The following TRIM27 variants were observed in gnomAD, a reference collection of about 807,000 sequenced individuals.
TRIM27 encodes tripartite motif containing 27.
A neutral mutation model predicts 57.6 loss-of-function variants in TRIM27; 12 were observed. The observed-to-expected ratio is 0.21, with a 90% CI of 0.13 to 0.34. The LOEUF (loss-of-function observed/expected upper bound fraction) is 0.34. TRIM27 is among the 10% of genes least tolerant of loss of function. TRIM27 has a pLI of 1.00. For missense variants in TRIM27, 403 were observed against 656.8 expected (o/e 0.61, Z 4.22); for synonymous variants, 266 against 259.0 (o/e 1.03, Z -0.26).
Position 28,911,560 on chromosome 6 carries a change from G to A in TRIM27, c.770+136C>T, listed in dbSNP as rs186104823. 1.4e-4 allele frequency: 117 copies of A among 837,582 alleles called. 1 individual carries two copies. The East Asian group carries it at 2.3e-3, about 16-fold the overall frequency. The allele number at this position is 837,582 out of a possible 1,614,324, so 51.9% of individuals were successfully genotyped here. The stretch of plus-strand genomic sequence containing the variant: ...GGTTCATCTAATTCTTTGTATACTA[G>A]TGACTCTCTTCAGGGATATGTGTCA... On this transcript the variant is annotated intron_variant, in intron 4 of 7. Transcript: ENST00000377199.
Position 28,903,760 on chromosome 6 carries a change from A to T in TRIM27, c.*310T>A. On this transcript the variant is annotated 3_prime_UTR_variant, in exon 8 of 8. Transcript: ENST00000377199. ...AGCCAAGAAGCTGGAAGTATCTTGA[A>T]CGGCTCTCCAAATCCAAAGATTATC... The T allele has an allele frequency of 2.6e-6, 1 of 383,334 alleles. No homozygotes were observed. The highest frequency in any genetic ancestry group is 4.7e-6 in the Non-Finnish European group (1 of 213,264). 23.7% of individuals were successfully genotyped at this position (383,334 alleles called of 1,614,324 possible).
chr6:28,913,199 A>G (rs1367622274), intron 3 of TRIM27, among the ~76,000 whole-genome samples: 10 of 150,720 alleles, frequency 6.6e-5, no homozygotes, highest in Non-Finnish European at 1.3e-4. Flanking sequence ...AGGTTGCGGT[A>G]AGCTGAGATC....
intron 4 of TRIM27, among the ~76,000 whole-genome samples, chr6:28,909,442 A>G (rs957424788): frequency 2.0e-5 from 3 of 152,206 alleles, no homozygotes; most frequent in Non-Finnish European, 4.4e-5. Flanking sequence ...ATGACCTTCC[A>G]GGAACTAGGA....
chr6:28,912,337 T>A (rs923047040), intron 3 of TRIM27, among the ~76,000 whole-genome samples: 2 of 152,172 alleles, frequency 1.3e-5, no homozygotes, highest in Non-Finnish European at 2.9e-5. Context: ...CTTGAACTCC[T>A]GACCTCAGGT....
At chr6:28,906,417 A>C (rs1368715428) in intron 7 of TRIM27, 1 of 152,050 alleles carries the variant, frequency 6.6e-6, no homozygotes, top group East Asian at 1.9e-4. Context: ...CTGGTTCAAC[A>C]ATCTGTCTAC....
At chr6:28,921,808 T>C in intron 2 of TRIM27, 84 bp downstream of exon 2, 1 of 1,127,788 alleles carries the variant, frequency 8.9e-7, no homozygotes, top group Non-Finnish European at 1.3e-6. Context: ...GGTGACATGC[T>C]GGACAAGTTT....
chr6:28,910,869 A>C (rs1022334852), intron 4 of TRIM27, among the ~76,000 whole-genome samples: 1 of 152,078 alleles, frequency 6.6e-6, no homozygotes, highest in African/African-American at 2.4e-5. Context: ...ATCCCTCAGG[A>C]ACCTCAATTC....
In TRIM27 at chr6:28,904,779, G is replaced by A. The variant is rs982497633; in HGVS notation, c.947-114C>T. 12 of 698,992 alleles carry A rather than the reference G, an allele frequency of 1.7e-5. No homozygotes were observed. The highest frequency in any genetic ancestry group is 9.0e-5 in the African/African-American group (5 of 55,794). 43.3% of individuals were successfully genotyped at this position (698,992 alleles called of 1,614,324 possible). A position where few individuals can be genotyped will look rare whatever the true frequency, so the allele number is the denominator to read the frequency against. On this transcript the variant is annotated intron_variant, in intron 7 of 7. Transcript: ENST00000377199. This position sits in a 1 kb window ranked among gnomAD's most constrained non-coding sequence, Gnocchi z 6.1. ...AAGAGGTTCCCACTGGAGGTTGCAC[G>A]TATTTTATTTAGAATATATTCTAAA...
intron 3 of TRIM27, among the ~76,000 whole-genome samples, chr6:28,916,412 G>T (rs986119570): frequency 6.6e-6 from 1 of 151,842 alleles, no homozygotes; most frequent in Non-Finnish European, 1.5e-5. Flanking sequence ...ATTAGCCAGG[G>T]GTGGTGGCGC....
At chr6:28,914,653 A>G (rs1229070642) in intron 3 of TRIM27, 1 of 150,148 alleles carries the variant, frequency 6.7e-6, no homozygotes, top group Non-Finnish European at 1.5e-5. Flanking sequence ...GGTGATGGTT[A>G]CACTGAAATC....
chr6:28,904,028 T>A lies in TRIM27; in HGVS notation c.*42A>T, dbSNP rs192359828. 463 of 1,539,472 alleles carry A rather than the reference T, an allele frequency of 3.0e-4. 7 individuals carry two copies. The East Asian group carries it at 8.0e-3, about 27-fold the overall frequency. On this transcript the variant is annotated 3_prime_UTR_variant, in exon 8 of 8. Transcript: ENST00000377199. This position sits in a 1 kb window ranked among gnomAD's most constrained non-coding sequence, Gnocchi z 6.1. Reference sequence around the variant, plus strand: ...GCAACAAGATGCCTTGTGCCTGGCGTAGGATTACAGCCAACAGCCCTTTTG... The same window carrying A: ...GCAACAAGATGCCTTGTGCCTGGCGAAGGATTACAGCCAACAGCCCTTTTG...
intron 7 of TRIM27, chr6:28,905,342 A>G (rs974595585): frequency 6.6e-6 from 1 of 152,232 alleles, no homozygotes; most frequent in Non-Finnish European, 1.5e-5. Context: ...GTATTAATAG[A>G]TCTGCTGTGA....
intron 3 of TRIM27, among the ~76,000 whole-genome samples, chr6:28,913,269 A>AATATATATATATATATAT (rs1219781094): frequency 4.4e-5 from 6 of 135,578 alleles, no homozygotes; most frequent in Non-Finnish European, 9.2e-5. Flanking sequence ...AAAAAAAAAA[A>AATATATATATATATATAT]ATATATATAT....
At position 28,912,495 on chromosome 6, in the gene TRIM27, G is replaced by GA. The variant is rs745645172; in HGVS notation, c.748-778dup. 1.2e-3 allele frequency among the ~76,000 whole-genome samples: 165 copies of GA among 136,166 alleles called. 1 individual carries two copies. The highest frequency in any genetic ancestry group is 0.011 in the Middle Eastern group (3 of 266). 89.3% of individuals were successfully genotyped at this position (136,166 alleles called of 152,430 possible). A position where few individuals can be genotyped will look rare whatever the true frequency, so the allele number is the denominator to read the frequency against. On this transcript the variant is annotated intron_variant, in intron 3 of 7. Transcript: ENST00000377199. ...CAACAAGAGTGAAACTCTGTCTCAG[G>GA]AAAAAAAAAAAAAGTAGCATACTCT...
At chr6:28,918,838 T>C (rs1225517659) in intron 3 of TRIM27, among the ~76,000 whole-genome samples, 1 of 151,192 alleles carries the variant, frequency 6.6e-6, no homozygotes, top group Non-Finnish European at 1.5e-5. Flanking sequence ...ATCGCACCAC[T>C]GCACTCCAGC....
Position 28,913,605 on chromosome 6 carries a change from T to C in TRIM27, c.748-1887A>G, listed in dbSNP as rs969551495. On this transcript the variant is annotated intron_variant, in intron 3 of 7. Coordinates refer to ENST00000377199, the MANE Select transcript of TRIM27 (RefSeq NM_006510.5). Reference sequence around the variant, plus strand: ...TGTCTCTCCGACACTTCGTCAAAAGTGTATTAAGTTGAAAATTTTTGCTAT... The same window carrying C: ...TGTCTCTCCGACACTTCGTCAAAAGCGTATTAAGTTGAAAATTTTTGCTAT... 5.9e-5 allele frequency among the ~76,000 whole-genome samples: 9 copies of C among 152,260 alleles called. 1 individual carries two copies. The highest frequency in any genetic ancestry group is 6.5e-5 in the Admixed American group (1 of 15,286).
chr6:28,907,791 G>A, intron 6 of TRIM27: 2 of 391,240 alleles, frequency 5.1e-6, no homozygotes, highest in Non-Finnish European at 9.9e-6. Context: ...GGAAAGTCAT[G>A]CCTGAACTAA....
At chr6:28,923,104 A>C in intron 1 of TRIM27, 109 bp downstream of exon 1, 4 of 1,264,482 alleles carry the variant, frequency 3.2e-6, no homozygotes, top group Non-Finnish European at 3.2e-6. Context: ...ACGGCTGTGA[A>C]CCACACGTCC....
Position 28,904,550 on chromosome 6 carries a change from G to A in TRIM27, c.1062C>T (p.Phe354=). 6.2e-7 allele frequency: 1 copy of A among 1,612,528 alleles called. No individual in the cohort carries two copies. The highest frequency in any genetic ancestry group is 8.5e-7 in the Non-Finnish European group (1 of 1,180,014). ...AGCCCAAGACACAGGGAAACAGATT[G>A]AACCTCTCGGGGTTGTCAGGCAGGT... ...QQDLPDNPER[F]NLFPCVLGSP... is the part of the protein sequence containing the mutation. Residue 354 remains phenylalanine (F), a synonymous_variant, in exon 8 of 8, where the codon TTC becomes TTT. Coordinates refer to ENST00000377199, the MANE Select transcript of TRIM27 (RefSeq NM_006510.5). The surrounding 1 kb of genome is among the most constrained non-coding windows in gnomAD (Gnocchi z 6.1).
Sources: allele counts gnomAD v4.1 joint callset (sites outside exome capture counted in the v4.1 genomes callset), GRCh38; gene constraint gnomAD v4.1.1; non-coding constraint Gnocchi (gnomAD v3.1); transcripts MANE v1.5; gene names NCBI Gene and HGNC (gene_info 2026-07-23, HGNC 2026-07-21).